UNC5D: variants seen among roughly 807,000 people sequenced by gnomAD.
The protein encoded by UNC5D is unc-5 netrin receptor D.
In UNC5D, 39 loss-of-function variants were observed where a neutral mutation model predicts 105.4. The ratio of observed to expected loss-of-function variants is 0.37; its 90% CI spans 0.29 to 0.48. UNC5D has a LOEUF of 0.48. UNC5D is among the 20% of genes least tolerant of loss of function. The probability of loss-of-function intolerance (pLI) is 0.98; values close to 1 mark genes in which losing one functional copy is unlikely to be tolerated. For synonymous variants in UNC5D, 452 were observed against 450.4 expected (o/e 1.00, Z -0.04); for missense variants, 991 against 1,202.4 (o/e 0.82, Z 2.60).
chr8:35,314,591 T>TA (rs940598808), intron 1 of UNC5D, among the ~76,000 whole-genome samples: 13 of 152,312 alleles, frequency 8.5e-5, no homozygotes, highest in African/African-American at 2.9e-4. Flanking sequence ...CTAATTTATT[T>TA]AAAAAATCTT....
intron 1 of UNC5D, among the ~76,000 whole-genome samples, chr8:35,483,106 T>A (rs1361022157): frequency 1.3e-5 from 2 of 148,620 alleles, no homozygotes; most frequent in South Asian, 2.2e-4. Flanking sequence ...CCTGGCCCCA[T>A]TTTTTTTTTA....
intron 4 of UNC5D, among the ~76,000 whole-genome samples, chr8:35,627,655 G>A (rs937676948): frequency 9.9e-5 from 15 of 152,134 alleles, no homozygotes; most frequent in Admixed American, 5.2e-4. Flanking sequence ...TTGACTGGGC[G>A]CGGTGGCTCA....
chr8:35,719,469 T>A (rs1250318149), intron 8 of UNC5D, among the ~76,000 whole-genome samples: 6 of 152,150 alleles, frequency 3.9e-5, no homozygotes, highest in African/African-American at 1.4e-4. Flanking sequence ...GACCCAACTG[T>A]AGAAGAATGT....
At chr8:35,375,056 T>G (rs1406805913) in intron 1 of UNC5D, among the ~76,000 whole-genome samples, 1 of 152,210 alleles carries the variant, frequency 6.6e-6, no homozygotes, top group African/African-American at 2.4e-5. Flanking sequence ...AGCTAAGGCT[T>G]ATATCCAAAT....
intron 4 of UNC5D, among the ~76,000 whole-genome samples, chr8:35,614,537 A>G (rs557939757): frequency 2.8e-4 from 43 of 152,184 alleles, no homozygotes; most frequent in African/African-American, 9.9e-4. Context: ...GTTAGAATGT[A>G]TATTATAATA....
At chr8:35,441,423 A>G (rs1292847612) in intron 1 of UNC5D, among the ~76,000 whole-genome samples, 1 of 151,956 alleles carries the variant, frequency 6.6e-6, no homozygotes, top group Non-Finnish European at 1.5e-5. Context: ...GAAAAAATGT[A>G]GTATAGATAT....
chr8:35,505,014 C>A (rs1207261970), intron 1 of UNC5D, among the ~76,000 whole-genome samples: 2 of 152,154 alleles, frequency 1.3e-5, no homozygotes, highest in East Asian at 3.9e-4. Context: ...AAATTACTTG[C>A]AAACACTAAA....
At chr8:35,456,838 A>G (rs565009512) in intron 1 of UNC5D, among the ~76,000 whole-genome samples, 1 of 152,212 alleles carries the variant, frequency 6.6e-6, no homozygotes, top group Non-Finnish European at 1.5e-5. Flanking sequence ...GGAAAGGGCA[A>G]TAGTAAACAT....
At chr8:35,589,456 T>C (rs1466093803) in intron 3 of UNC5D, among the ~76,000 whole-genome samples, 2 of 151,896 alleles carry the variant, frequency 1.3e-5, no homozygotes, top group African/African-American at 4.8e-5. Context: ...CTGAACCATA[T>C]GAATGAATTC....
At chr8:35,343,294 C>G (rs945599255) in intron 1 of UNC5D, among the ~76,000 whole-genome samples, 4 of 152,034 alleles carry the variant, frequency 2.6e-5, no homozygotes, top group African/African-American at 9.7e-5. Flanking sequence ...AATTGTACCA[C>G]CTGTGTATTT....
intron 1 of UNC5D, among the ~76,000 whole-genome samples, chr8:35,288,671 G>A (rs1806802132): frequency 6.6e-6 from 1 of 152,150 alleles, no homozygotes; most frequent in Admixed American, 6.5e-5. Context: ...TGTTGAGATA[G>A]AAATTACAAA....
At chr8:35,476,266 A>G (rs1197898406) in intron 1 of UNC5D, among the ~76,000 whole-genome samples, 1 of 152,224 alleles carries the variant, frequency 6.6e-6, no homozygotes, top group Non-Finnish European at 1.5e-5. Context: ...CTTCACAAGT[A>G]CACTGGAATA....
rs543236032 is a variant in UNC5D, at chr8:35,673,990, C to A, written c.571-9557C>A. On this transcript the variant is annotated intron_variant, in intron 4 of 16. Transcript: ENST00000404895. Reference sequence around the variant, plus strand: ...CTAGCTTGACTTGGCATGACCTATCCGTGGACAGTTACTGAGCTTGAGTAA... The same window carrying A: ...CTAGCTTGACTTGGCATGACCTATCAGTGGACAGTTACTGAGCTTGAGTAA... Among the ~76,000 whole-genome samples, 11 of 152,234 alleles carry A rather than the reference C, an allele frequency of 7.2e-5. No individual in the cohort carries two copies. The South Asian group carries it at 1.2e-3, about 17-fold the overall frequency.
chr8:35,474,917 A>G (rs1204413737), intron 1 of UNC5D, among the ~76,000 whole-genome samples: 1 of 152,192 alleles, frequency 6.6e-6, no homozygotes, highest in Non-Finnish European at 1.5e-5. Flanking sequence ...TAGGTGGGGC[A>G]TTGGTAATCT....
intron 1 of UNC5D, among the ~76,000 whole-genome samples, chr8:35,244,319 A>G (rs1563244090): frequency 6.6e-6 from 1 of 152,198 alleles, no homozygotes; most frequent in Non-Finnish European, 1.5e-5. Context: ...TTTTATTAGC[A>G]CATGGATTGA....
intron 1 of UNC5D, among the ~76,000 whole-genome samples, chr8:35,314,002 G>A (rs1488606678): frequency 6.6e-6 from 1 of 151,924 alleles, no homozygotes; most frequent in Non-Finnish European, 1.5e-5. Flanking sequence ...GAATGGAAAT[G>A]TTGTTCTAAT....
chr8:35,237,943 A>C (rs1320416716), intron 1 of UNC5D, among the ~76,000 whole-genome samples: 1 of 152,142 alleles, frequency 6.6e-6, no homozygotes, highest in East Asian at 1.9e-4. Flanking sequence ...CCCTTCCCAG[A>C]AAGGTGTCCA....
At chr8:35,526,310 A>G (rs1813871779) in intron 1 of UNC5D, among the ~76,000 whole-genome samples, 1 of 152,172 alleles carries the variant, frequency 6.6e-6, no homozygotes, top group Non-Finnish European at 1.5e-5. Context: ...CACACTCTCC[A>G]GAAAGCGGCT....
intron 4 of UNC5D, among the ~76,000 whole-genome samples, chr8:35,597,732 A>G (rs1478053844): frequency 1.3e-5 from 2 of 152,022 alleles, no homozygotes; most frequent in African/African-American, 4.8e-5. Flanking sequence ...GATAACTTAG[A>G]TATTTACTGG....
Sources: gnomAD v4.1 joint callset for allele counts (sites outside exome capture counted in the v4.1 genomes callset) on GRCh38, gnomAD v4.1.1 for gene constraint, MANE v1.5 for transcripts, NCBI Gene and HGNC (gene_info 2026-07-23, HGNC 2026-07-21) for gene names.